Variants in KCNAB1 observed in about 807,000 individuals in gnomAD.
KCNAB1 encodes the protein voltage-gated potassium channel subunit beta-1.
KCNAB1 carries 35 observed loss-of-function variants against 64.6 expected under a neutral mutation model. That is an observed-to-expected ratio of 0.54 (90% confidence interval 0.41 to 0.72). The LOEUF (loss-of-function observed/expected upper bound fraction) is 0.72. KCNAB1 is among the 30% of genes least tolerant of loss of function. The pLI, the probability that KCNAB1 is intolerant of heterozygous loss-of-function variation, is 0.00. For synonymous variants in KCNAB1, 177 were observed against 183.8 expected (o/e 0.96, Z 0.30); for missense variants, 401 against 512.9 (o/e 0.78, Z 2.11).
chr3:156,491,500 A>G (rs149382939), intron 8 of KCNAB1, among the ~76,000 whole-genome samples: 1 of 152,276 alleles, frequency 6.6e-6, no homozygotes, highest in East Asian at 1.9e-4. Context: ...AAGGAAATAC[A>G]ATCATTATAG....
chr3:156,176,232 G>A (rs1016094668), intron 1 of KCNAB1: 2 of 787,368 alleles, frequency 2.5e-6, no homozygotes, highest in African/African-American at 1.7e-5. Context: ...GGCCTGTCAT[G>A]GTGTAGGTTA....
chr3:156,471,581 AC>A (rs950924070), intron 7 of KCNAB1, among the ~76,000 whole-genome samples: 151 of 152,288 alleles, frequency 9.9e-4, no homozygotes, highest in Admixed American at 9.8e-3. Context: ...TGGAGCACTT[AC>A]CTCCTTAGGT....
chr3:156,242,553 T>C (rs1717221077), intron 1 of KCNAB1, among the ~76,000 whole-genome samples: 1 of 152,146 alleles, frequency 6.6e-6, no homozygotes, highest in African/African-American at 2.4e-5. Flanking sequence ...TTTTTTTTTC[T>C]GAAAAATTTC....
intron 1 of KCNAB1, among the ~76,000 whole-genome samples, chr3:156,122,631 A>G (rs1009913785): frequency 6.6e-6 from 1 of 152,362 alleles, no homozygotes. Flanking sequence ...GGGTAGTGTT[A>G]TTAATCACTG....
chr3:156,399,188 C>T (rs987868067), intron 1 of KCNAB1, among the ~76,000 whole-genome samples: 2 of 152,164 alleles, frequency 1.3e-5, no homozygotes, highest in African/African-American at 4.8e-5. Flanking sequence ...AAGAATCTCC[C>T]AGGGGTTGCT....
intron 1 of KCNAB1, among the ~76,000 whole-genome samples, chr3:156,231,877 A>G (rs577641892): frequency 1.3e-5 from 2 of 152,244 alleles, no homozygotes; most frequent in East Asian, 1.9e-4. Flanking sequence ...TTGATGTCTC[A>G]TGCCTTCCTA....
intron 1 of KCNAB1, among the ~76,000 whole-genome samples, chr3:156,419,510 G>GAAAAAAAAAAAAAA (rs58080148): frequency 2.1e-5 from 2 of 97,504 alleles, no homozygotes; most frequent in African/African-American, 4.3e-5. Context: ...CAAAAAAAAA[G>GAAAAAAAAAAAAAA]AAAAAAAAAA....
chr3:156,238,444 G>GAAAC (rs1716984796), intron 1 of KCNAB1, among the ~76,000 whole-genome samples: 1 of 147,160 alleles, frequency 6.8e-6, no homozygotes, highest in Non-Finnish European at 1.5e-5. Flanking sequence ...AAAAAAAAAG[G>GAAAC]GTTCCCTTTT....
chr3:156,234,366 A>G (rs182659381), intron 1 of KCNAB1, among the ~76,000 whole-genome samples: 33 of 152,296 alleles, frequency 2.2e-4, no homozygotes, highest in Middle Eastern at 6.8e-3. Context: ...GAACTGCTGC[A>G]GCAATTTCCA....
At chr3:156,272,157 G>T (rs1484858389) in intron 1 of KCNAB1, among the ~76,000 whole-genome samples, 1 of 152,232 alleles carries the variant, frequency 6.6e-6, no homozygotes, top group Non-Finnish European at 1.5e-5. Context: ...CTGACTTGGA[G>T]CCAGCACAGC....
chr3:156,238,377 A>G (rs960478368), intron 1 of KCNAB1, among the ~76,000 whole-genome samples: 13 of 145,198 alleles, frequency 9.0e-5, no homozygotes, highest in African/African-American at 2.8e-4. Context: ...AGCCGAGATC[A>G]CGCCACTGCA....
chr3:156,495,000 T>C (rs1335035274), intron 8 of KCNAB1, among the ~76,000 whole-genome samples: 1 of 152,146 alleles, frequency 6.6e-6, no homozygotes, highest in East Asian at 1.9e-4. Flanking sequence ...CCCTTAGCTA[T>C]TCTTCCTGAT....
At chr3:156,311,938 C>T (rs971990560) in intron 1 of KCNAB1, among the ~76,000 whole-genome samples, 5 of 152,184 alleles carry the variant, frequency 3.3e-5, no homozygotes, top group African/African-American at 1.2e-4. Context: ...GACGGCTATC[C>T]ATTCATAAGC....
intron 1 of KCNAB1, among the ~76,000 whole-genome samples, chr3:156,180,612 AT>A (rs1369324575): frequency 6.6e-6 from 1 of 152,132 alleles, no homozygotes; most frequent in African/African-American, 2.4e-5. Flanking sequence ...TCTGCAATAA[AT>A]TTTTTTAATA....
At chr3:156,327,107 G>A (rs774557107) in intron 1 of KCNAB1, among the ~76,000 whole-genome samples, 1 of 152,262 alleles carries the variant, frequency 6.6e-6, no homozygotes, top group South Asian at 2.1e-4. Flanking sequence ...TAAGGCAAAC[G>A]TAAGAGCAAT....
At chr3:156,384,197 G>A (rs1712392762) in intron 1 of KCNAB1, among the ~76,000 whole-genome samples, 1 of 152,222 alleles carries the variant, frequency 6.6e-6, no homozygotes, top group African/African-American at 2.4e-5. Context: ...ATGGCAGCTT[G>A]TTGGAAAATG....
chr3:156,480,341 A>G (rs1714696497), intron 8 of KCNAB1, among the ~76,000 whole-genome samples: 1 of 152,104 alleles, frequency 6.6e-6, no homozygotes, highest in Non-Finnish European at 1.5e-5. Flanking sequence ...TTAAAAAAGT[A>G]AAAAGAGAGA....
intron 1 of KCNAB1, among the ~76,000 whole-genome samples, chr3:156,131,264 A>G (rs1473395451): frequency 1.3e-5 from 2 of 152,198 alleles, no homozygotes; most frequent in African/African-American, 4.8e-5. Context: ...AGTTGAAACA[A>G]CAGCTTTCCC....
intron 2 of KCNAB1, among the ~76,000 whole-genome samples, chr3:156,436,238 A>C (rs1435669921): frequency 6.6e-6 from 1 of 152,164 alleles, no homozygotes; most frequent in East Asian, 1.9e-4. Flanking sequence ...GCACCAGCAA[A>C]GGACATCTCA....
Sources: allele counts gnomAD v4.1 joint callset (sites outside exome capture counted in the v4.1 genomes callset), GRCh38; gene constraint gnomAD v4.1.1; transcripts MANE v1.5; gene names NCBI Gene and HGNC (gene_info 2026-07-23, HGNC 2026-07-21).